XXYLT1: variants seen among roughly 807,000 people sequenced by gnomAD.
The protein encoded by XXYLT1 is xyloside xylosyltransferase 1.
XXYLT1 carries 20 observed loss-of-function variants against 28.9 expected under a neutral mutation model. That is an observed-to-expected ratio of 0.69 (90% CI 0.49 to 1.00). The LOEUF (loss-of-function observed/expected upper bound fraction) is 1.00, where lower values mean the gene tolerates loss of function less well. Ranked by LOEUF, XXYLT1 falls within the 50% of genes least tolerant of loss-of-function variation. The probability of loss-of-function intolerance (pLI) is 0.00; values close to 1 mark genes in which losing one functional copy is unlikely to be tolerated. For missense variants in XXYLT1, 542 were observed against 560.1 expected (o/e 0.97, Z 0.33); for synonymous variants, 257 against 253.8 (o/e 1.01, Z -0.12).
chr3:195,110,313 T>TGTCC (rs1717517367), intron 3 of XXYLT1, among the ~76,000 whole-genome samples: 1 of 600 alleles, frequency 1.7e-3, no homozygotes, highest in African/African-American at 5.7e-3. Context: ...TATATGTGTG[T>TGTCC]GTGGGTGAGG....
intron 1 of XXYLT1, among the ~76,000 whole-genome samples, chr3:195,244,920 C>T (rs1192829005): frequency 6.7e-6 from 1 of 149,354 alleles, no homozygotes; most frequent in South Asian, 2.1e-4. Context: ...GATCCCAGCA[C>T]TTTGGGAGGC....
At chr3:195,266,516 C>CA (rs934750302) in intron 1 of XXYLT1, among the ~76,000 whole-genome samples, 1 of 151,484 alleles carries the variant, frequency 6.6e-6, no homozygotes, top group Non-Finnish European at 1.5e-5. Flanking sequence ...AAGAAAAAGA[C>CA]AAAAAAAAGG....
intron 2 of XXYLT1, among the ~76,000 whole-genome samples, chr3:195,211,632 T>C (rs1481140532): frequency 6.6e-6 from 1 of 151,704 alleles, no homozygotes; most frequent in African/African-American, 2.4e-5. Context: ...AGATAGATGA[T>C]CAAAACAAAC....
At chr3:195,200,745 T>A (rs546386084) in intron 2 of XXYLT1, among the ~76,000 whole-genome samples, 49 of 152,314 alleles carry the variant, frequency 3.2e-4, no homozygotes, top group Admixed American at 5.9e-4. Context: ...CCCCATCAGT[T>A]ACTCGTTAGT....
intron 2 of XXYLT1, among the ~76,000 whole-genome samples, chr3:195,162,995 T>G (rs74917578): frequency 0.06 from 8,913 of 149,568 alleles, 324 homozygotes; most frequent in East Asian, 0.16. Context: ...AAGTTTTTGG[T>G]TTTTTTTTGT....
chr3:195,226,687 T>G (rs1724066574), intron 2 of XXYLT1, 22 bp downstream of exon 2: 1 of 1,609,134 alleles, frequency 6.2e-7, no homozygotes, highest in East Asian at 2.2e-5. Flanking sequence ...CAGGGGCTAT[T>G]GCTCCTGGAA....
At chr3:195,184,196 C>T (rs968534479) in intron 2 of XXYLT1, among the ~76,000 whole-genome samples, 12 of 152,160 alleles carry the variant, frequency 7.9e-5, no homozygotes, top group Admixed American at 2.0e-4. Flanking sequence ...GGCCCTGTGT[C>T]GGTCCTTTTA....
chr3:195,143,871 G>GATATATATATAT (rs1334344433), intron 3 of XXYLT1, among the ~76,000 whole-genome samples: 1 of 81,722 alleles, frequency 1.2e-5, no homozygotes, highest in African/African-American at 4.9e-5. Context: ...TATAGATATA[G>GATATATATATAT]ATATATATAT....
intron 1 of XXYLT1, among the ~76,000 whole-genome samples, chr3:195,241,147 C>A (rs1197602565): frequency 1.3e-5 from 2 of 152,206 alleles, no homozygotes; most frequent in African/African-American, 4.8e-5. Flanking sequence ...GGACCGACAC[C>A]TACTTGGCAC....
At chr3:195,253,129 A>G (rs1157309764) in intron 1 of XXYLT1, among the ~76,000 whole-genome samples, 1 of 152,180 alleles carries the variant, frequency 6.6e-6, no homozygotes, top group African/African-American at 2.4e-5. Flanking sequence ...CTTTTCTCCA[A>G]GCACTTTCTC....
intron 2 of XXYLT1, among the ~76,000 whole-genome samples, chr3:195,185,128 AGG>A (rs1405181403): frequency 5.3e-5 from 8 of 151,078 alleles, no homozygotes; most frequent in East Asian, 1.9e-4. Context: ...GAAGGAAGGA[AGG>A]AAGGAAGGAA....
chr3:195,243,292 T>C (rs1298292550), intron 1 of XXYLT1, among the ~76,000 whole-genome samples: 1 of 151,818 alleles, frequency 6.6e-6, no homozygotes, highest in African/African-American at 2.4e-5. Flanking sequence ...CACACCATCA[T>C]GGCACATGTA....
At chr3:195,082,406 C>A (rs1348785265) in intron 3 of XXYLT1, among the ~76,000 whole-genome samples, 1 of 152,214 alleles carries the variant, frequency 6.6e-6, no homozygotes, top group Non-Finnish European at 1.5e-5. Flanking sequence ...TCTGGTGCTA[C>A]TGTCTGAGCA....
At chr3:195,075,415 GT>G (rs1169996871) in intron 3 of XXYLT1, among the ~76,000 whole-genome samples, 1 of 152,228 alleles carries the variant, frequency 6.6e-6, no homozygotes, top group Non-Finnish European at 1.5e-5. Flanking sequence ...AAACTGGCCT[GT>G]CCAGGGTCAC....
intron 3 of XXYLT1, among the ~76,000 whole-genome samples, chr3:195,103,345 TGCGTCCATCACCCCACGCCAGC>T (rs1716899092): frequency 1.4e-5 from 2 of 141,222 alleles, no homozygotes; most frequent in Admixed American, 1.4e-4. Context: ...GCCAGCGACC[TGCGTCCATCACCCCACGCCAGC>T]GGCCTGCGTC....
chr3:195,229,736 C>T (rs1387451232), intron 1 of XXYLT1, among the ~76,000 whole-genome samples: 1 of 152,230 alleles, frequency 6.6e-6, no homozygotes, highest in Non-Finnish European at 1.5e-5. Flanking sequence ...TTATTTATGG[C>T]TGAATAGTAC....
chr3:195,079,213 G>C (rs191093865), intron 3 of XXYLT1, among the ~76,000 whole-genome samples: 9 of 152,294 alleles, frequency 5.9e-5, no homozygotes, highest in Non-Finnish European at 1.0e-4. Context: ...AGTGACCTTG[G>C]AGAAGGAGAG....
intron 2 of XXYLT1, among the ~76,000 whole-genome samples, chr3:195,198,517 C>T (rs957314653): frequency 6.6e-6 from 1 of 152,128 alleles, no homozygotes; most frequent in Non-Finnish European, 1.5e-5. Context: ...AAAAACTTCC[C>T]AACCGAAGCC....
intron 2 of XXYLT1, among the ~76,000 whole-genome samples, chr3:195,221,217 G>C (rs1560159798): frequency 6.6e-6 from 1 of 152,214 alleles, no homozygotes; most frequent in Non-Finnish European, 1.5e-5. Context: ...GCAAGTTGGA[G>C]AAAATTTCAC....
Sources: allele counts gnomAD v4.1 joint callset (sites outside exome capture counted in the v4.1 genomes callset), GRCh38; gene constraint gnomAD v4.1.1; transcripts MANE v1.5; gene names NCBI Gene and HGNC (gene_info 2026-07-23, HGNC 2026-07-21).